CLN8: variants seen among roughly 807,000 people sequenced by gnomAD.
The protein encoded by CLN8 is protein CLN8.
A neutral mutation model predicts 15.7 loss-of-function variants in CLN8; 14 were observed. The observed-to-expected ratio is 0.89, with a 90% CI of 0.59 to 1.39. The LOEUF (loss-of-function observed/expected upper bound fraction) is 1.39. Ranked by LOEUF, CLN8 falls within the 40% of genes most tolerant of loss-of-function variation. The pLI is 0.00. For synonymous variants in CLN8, 188 were observed against 151.0 expected, an observed-to-expected ratio of 1.25 and a Z score of -1.80; for missense variants, 415 against 364.0, an observed-to-expected ratio of 1.14 and a Z score of -1.14.
In CLN8 at chr8:1,769,224, C is replaced by A. The variant is rs554702667; in HGVS notation, c.-123-1708C>A. Among the ~76,000 whole-genome samples the A allele has an allele frequency of 2.6e-5, 4 of 152,280 alleles. No individual in the cohort carries two copies. The East Asian group carries it at 7.7e-4, about 29-fold the overall frequency. On this transcript the variant is annotated intron_variant, in intron 1 of 2. Coordinates refer to ENST00000331222, the MANE Select transcript of CLN8 (RefSeq NM_018941.4). ...AAGAGGTTAGGAGTGATCAGTGCTC[C>A]CTTGTCATTTGCATCAGGTCCCAGG...
rs756267448 is a variant in CLN8 at position 1,771,598 on chromosome 8, G to T, written c.543+1G>T. 4 of 1,612,868 alleles carry T rather than the reference G, an allele frequency of 2.5e-6. No homozygotes were observed. Among genetic ancestry groups the T allele is most frequent in the African/African-American group, 2.7e-5 (2 of 74,892 alleles). On this transcript the variant is annotated splice_donor_variant, in intron 2 of 2. Coordinates refer to ENST00000331222, the MANE Select transcript of CLN8 (RefSeq NM_018941.4). LOFTEE classifies it high-confidence loss of function. ...CTGCGTTTCCTGGATGCTCTTAAAG[G>T]TAAGTGCATGCATCAGCAGAAGATG...
At chr8:1,774,242 G>A (rs1227611269) in intron 2 of CLN8, among the ~76,000 whole-genome samples, 1 of 152,010 alleles carries the variant, frequency 6.6e-6, no homozygotes, top group Non-Finnish European at 1.5e-5. Context: ...AAGCTTTTAG[G>A]GTGCTGTTTG....
chr8:1,764,394 C>G (rs927943574), intron 1 of CLN8: 7 of 152,452 alleles, frequency 4.6e-5, no homozygotes, highest in African/African-American at 1.5e-4. Context: ...CCCCTGACCT[C>G]GCTTCCCTCA....
chr8:1,775,542 G>C (rs2129013514), intron 2 of CLN8, among the ~76,000 whole-genome samples: 1 of 152,336 alleles, frequency 6.6e-6, no homozygotes, highest in South Asian at 2.1e-4. Flanking sequence ...CAAGCTTTGA[G>C]TTTTCTAAAC....
intron 2 of CLN8, among the ~76,000 whole-genome samples, chr8:1,774,874 C>T (rs1297072697): frequency 6.6e-6 from 1 of 152,118 alleles, no homozygotes; most frequent in Admixed American, 6.6e-5. Flanking sequence ...GTAGTACCAG[C>T]CAATTGGGAG....
upstream of CLN8, among the ~76,000 whole-genome samples, chr8:1,760,709 G>A (rs1405309212): frequency 1.3e-5 from 2 of 152,162 alleles, no homozygotes; most frequent in Non-Finnish European, 2.9e-5. Context: ...CAGTGCTGAT[G>A]GAGAAAGGGG....
intron 2 of CLN8, among the ~76,000 whole-genome samples, chr8:1,772,661 G>A (rs973885714): frequency 2.0e-5 from 3 of 151,676 alleles, no homozygotes; most frequent in African/African-American, 7.3e-5. Flanking sequence ...TGTATTTTTA[G>A]TAGAGACGGA....
upstream of CLN8, among the ~76,000 whole-genome samples, chr8:1,754,090 C>T (rs572902973): frequency 1.2e-4 from 19 of 152,104 alleles, no homozygotes; most frequent in Non-Finnish European, 1.5e-4. Context: ...ACCAGACCTT[C>T]GCTGATACAA....
At chr8:1,756,204 C>G (rs1473349965) in intron 1 of CLN8, 1 of 152,196 alleles carries the variant, frequency 6.6e-6, no homozygotes, top group Non-Finnish European at 1.5e-5. Context: ...TAAATTTCAG[C>G]CAGGCGCTGT....
At chr8:1,763,419 C>G (rs1392128413), upstream of CLN8, 1 of 40,222 alleles carries the variant, frequency 2.5e-5, no homozygotes, top group Admixed American at 1.9e-4. Flanking sequence ...CCGCCGCGCC[C>G]CGCCCCCCGC....
rs554427101 is a variant in CLN8 at position 1,783,115 on chromosome 8, T to A, written c.*2548T>A. ...TTCCCATGGTCCTCACTGGCCTCAGTCTCCCTGACCGGCAGTGTGAGGGGA... is the reference window on the plus strand; with the variant it reads ...TTCCCATGGTCCTCACTGGCCTCAGACTCCCTGACCGGCAGTGTGAGGGGA... On this transcript the variant is annotated 3_prime_UTR_variant, in exon 3 of 3. Coordinates refer to ENST00000331222, the MANE Select transcript of CLN8 (RefSeq NM_018941.4). 6.6e-6 allele frequency: 1 copy of A among 152,384 alleles called. No individual in the cohort carries two copies. Among genetic ancestry groups the A allele is most frequent in the Admixed American group, 6.5e-5 (1 of 15,298 alleles). The allele number at this position is 152,384 out of a possible 1,614,324, so 9.4% of individuals were successfully genotyped here. A position where few individuals can be genotyped will look rare whatever the true frequency, so the allele number is the denominator to read the frequency against.
At chr8:1,754,357 A>G (rs6558525), upstream of CLN8, among the ~76,000 whole-genome samples, 110,853 of 151,656 alleles carry the variant, frequency 0.73, 40,813 homozygotes, top group South Asian at 0.78. Context: ...GGCTTTAGAT[A>G]ATCGCCAGGC....
chr8:1,774,471 A>G (rs932589652), intron 2 of CLN8, among the ~76,000 whole-genome samples: 6 of 152,236 alleles, frequency 3.9e-5, no homozygotes, highest in Non-Finnish European at 7.3e-5. Flanking sequence ...AAATTCTTTT[A>G]AAGCTGATAG....
At chr8:1,778,945 C>T (rs1801615827) in intron 2 of CLN8, among the ~76,000 whole-genome samples, 1 of 152,162 alleles carries the variant, frequency 6.6e-6, no homozygotes, top group Non-Finnish European at 1.5e-5. Context: ...GCCTGGCCTG[C>T]CTTTAACATG....
chr8:1,756,433 G>A (rs529339293), intron 1 of CLN8, among the ~76,000 whole-genome samples: 6 of 149,414 alleles, frequency 4.0e-5, no homozygotes, highest in Non-Finnish European at 5.9e-5. Context: ...GCAGTGAGCC[G>A]AGACCGCACC....
Position 1,781,578 on chromosome 8 carries a change from A to T in CLN8, c.*1011A>T, listed in dbSNP as rs766771235. The stretch of plus-strand genomic sequence containing the variant: ...TCATGGTACCTGTTTTAAAATGAGA[A>T]GTTATTATTCATACTGTGTTGCTCA... On this transcript the variant is annotated 3_prime_UTR_variant, in exon 3 of 3. Transcript: ENST00000331222. The T allele has an allele frequency of 6.6e-6, 1 of 152,022 alleles. No homozygotes were observed. The highest frequency in any genetic ancestry group is 1.5e-5 in the Non-Finnish European group (1 of 68,000). 9.4% of individuals were successfully genotyped at this position (152,022 alleles called of 1,614,324 possible).
intron 1 of CLN8, among the ~76,000 whole-genome samples, chr8:1,768,865 G>C (rs1179725665): frequency 6.6e-6 from 1 of 152,204 alleles, no homozygotes; most frequent in Non-Finnish European, 1.5e-5. Flanking sequence ...CAGGTTAACA[G>C]AAATGTGTTT....
Position 1,781,990 on chromosome 8 carries a change from G to C in CLN8, c.*1423G>C, listed in dbSNP as rs1246529401. 6.8e-6 allele frequency: 1 copy of C among 147,532 alleles called. No homozygotes were observed. Among genetic ancestry groups the C allele is most frequent in the Non-Finnish European group, 1.5e-5 (1 of 66,112 alleles). The allele number at this position is 147,532 out of a possible 1,614,324, so 9.1% of individuals were successfully genotyped here. ...GTGTGTGTGTGTGTGTGAGTGTTTT[G>C]ATATAAACGTGCAATTAAAATTCAA... On this transcript the variant is annotated 3_prime_UTR_variant, in exon 3 of 3. Transcript: ENST00000331222.
intron 1 of CLN8, among the ~76,000 whole-genome samples, chr8:1,756,958 C>A (rs1437565196): frequency 6.6e-6 from 1 of 152,064 alleles, no homozygotes; most frequent in Admixed American, 6.5e-5. Context: ...GCTGGGATTA[C>A]AGGCATGAGC....
Sources: gnomAD v4.1 joint callset for allele counts (sites outside exome capture counted in the v4.1 genomes callset) on GRCh38, gnomAD v4.1.1 for gene constraint, MANE v1.5 for transcripts, NCBI Gene and HGNC (gene_info 2026-07-23, HGNC 2026-07-21) for gene names.